The following TBL1X variants were observed in gnomAD, a reference collection of about 807,000 sequenced individuals.
TBL1X encodes transducin beta like 1 X-linked, also known as F-box-like/WD repeat-containing protein TBL1X.
TBL1X carries 10 observed loss-of-function variants against 50.7 expected under a neutral mutation model. The observed-to-expected ratio is 0.20, with a 90% CI of 0.12 to 0.33. The LOEUF (loss-of-function observed/expected upper bound fraction) is 0.33, where lower values mean the gene tolerates loss of function less well. Among genes scored for constraint, TBL1X ranks in the 10% least tolerant of loss-of-function variants. The pLI is 1.00. For synonymous variants in TBL1X, 190 were observed against 214.7 expected, an observed-to-expected ratio of 0.88 and a Z score of 1.01; for missense variants, 340 against 504.4, an observed-to-expected ratio of 0.67 and a Z score of 3.12.
chrX:9,524,547 A>G (rs1320086254), intron 2 of TBL1X, among the ~76,000 whole-genome samples: 2 of 111,792 alleles, frequency 1.8e-5, no homozygotes, highest in African/African-American at 6.5e-5. Context: ...ACATGGTAGC[A>G]TGTGTCAGAA....
In TBL1X at chrX:9,632,849, A is replaced by G. The variant is rs980489263; in HGVS notation, c.-130-7424A>G. 4.5e-5 allele frequency among the ~76,000 whole-genome samples: 5 copies of G among 111,792 alleles called. No homozygotes were observed. In the Admixed American group the frequency reaches 4.7e-4, roughly 11 times the overall value. Reference sequence around the variant, plus strand: ...AATTGCCTGTGTAACCGCCAGCTTTATGGGAGTGCTCCAGTAGTAACATTT... The same window carrying G: ...AATTGCCTGTGTAACCGCCAGCTTTGTGGGAGTGCTCCAGTAGTAACATTT... On this transcript the variant is annotated intron_variant, in intron 2 of 17. Transcript: ENST00000645353.
intron 12 of TBL1X, among the ~76,000 whole-genome samples, chrX:9,701,189 A>G (rs935007350): frequency 3.6e-5 from 4 of 111,623 alleles, no homozygotes; most frequent in African/African-American, 1.3e-4. Flanking sequence ...TGTAACCCTC[A>G]GGAGAACCTG....
At position 9,511,086 on chromosome X, in the gene TBL1X, A is replaced by G. The variant is rs187763754; in HGVS notation, c.-131+9237A>G. On this transcript the variant is annotated intron_variant, in intron 2 of 17. Coordinates refer to ENST00000645353, the MANE Select transcript of TBL1X (RefSeq NM_005647.4). ...AGTACAGGGATTGTGTGGCCCACAA[A>G]GTAGAAAATATTTACTCTCTGGCCC... is the stretch of plus-strand genomic sequence containing the variant. 3.6e-5 allele frequency among the ~76,000 whole-genome samples: 4 copies of G among 112,382 alleles called. No homozygotes were observed. In the East Asian group the frequency reaches 1.1e-3, roughly 31 times the overall value.
chrX:9,607,399 G>C (rs983382012), intron 2 of TBL1X, among the ~76,000 whole-genome samples: 6 of 111,960 alleles, frequency 5.4e-5, no homozygotes, highest in African/African-American at 1.9e-4. Context: ...GGATGAGGCA[G>C]TGCTGGTGCT....
At chrX:9,711,116 A>G (rs2083243613) in intron 15 of TBL1X, among the ~76,000 whole-genome samples, 1 of 111,255 alleles carries the variant, frequency 9.0e-6, no homozygotes, top group Admixed American at 9.6e-5. Flanking sequence ...GTGAGGCAGG[A>G]GGATCTCTTG....
At chrX:9,650,252 G>T (rs2082826208) in intron 3 of TBL1X, among the ~76,000 whole-genome samples, 1 of 113,063 alleles carries the variant, frequency 8.8e-6, no homozygotes, top group South Asian at 3.6e-4. Flanking sequence ...ATTTGGCAAT[G>T]TGTGCAGGCA....
chrX:9,469,488 T>G (rs1431840301), intron 1 of TBL1X, among the ~76,000 whole-genome samples: 2 of 112,671 alleles, frequency 1.8e-5, no homozygotes, highest in East Asian at 5.6e-4. Context: ...TAGTTTCCTG[T>G]TTTCTGAAGT....
intron 2 of TBL1X, among the ~76,000 whole-genome samples, chrX:9,532,130 C>A (rs726766): frequency 9.0e-6 from 1 of 111,609 alleles, no homozygotes; most frequent in Non-Finnish European, 1.9e-5. Flanking sequence ...CAGTGGCCTC[C>A]TGAGCTGCGC....
intron 2 of TBL1X, among the ~76,000 whole-genome samples, chrX:9,532,519 C>G (rs1332148803): frequency 9.0e-6 from 1 of 111,493 alleles, no homozygotes; most frequent in Non-Finnish European, 1.9e-5. Context: ...CATTCCCACG[C>G]CTCCCACGGG....
chrX:9,719,045 G>A lies in TBL1X; in HGVS notation c.*2799G>A, dbSNP rs1427263839. ...CCCTGTAATCAAGAAATGGCCTGTG[G>A]AATGTTATTGTTCAACGTTGTTTAC... On this transcript the variant is annotated 3_prime_UTR_variant, in exon 18 of 18. Coordinates refer to ENST00000645353, the MANE Select transcript of TBL1X (RefSeq NM_005647.4). 1 of 112,510 alleles carries A rather than the reference G, an allele frequency of 8.9e-6. No individual in the cohort carries two copies. The highest frequency in any genetic ancestry group is 1.9e-5 in the Non-Finnish European group (1 of 53,289). The allele number at this position is 112,510 out of a possible 1,213,427, so 9.3% of individuals were successfully genotyped here.
intron 2 of TBL1X, among the ~76,000 whole-genome samples, chrX:9,569,006 CTG>C (rs1434324395): frequency 7.8e-5 from 8 of 102,665 alleles, no homozygotes; most frequent in African/African-American, 2.9e-4. Flanking sequence ...GTGTGTGTGT[CTG>C]TGCAGTGTGC....
In TBL1X at chrX:9,716,526, G is replaced by T; in HGVS notation, c.*280G>T. 4.1e-6 allele frequency: 1 copy of T among 244,304 alleles called. No individual in the cohort carries two copies. Among genetic ancestry groups the T allele is most frequent in the Non-Finnish European group, 7.3e-6 (1 of 137,502 alleles). 20.1% of individuals were successfully genotyped at this position (244,304 alleles called of 1,213,427 possible). On this transcript the variant is annotated 3_prime_UTR_variant, in exon 18 of 18. Transcript: ENST00000645353. ...AAGGAGGAAGTCACCAGCTCGAGGCGTGTGGATTGGTTTCCACCCGGAACA... is the reference window on the plus strand; with the variant it reads ...AAGGAGGAAGTCACCAGCTCGAGGCTTGTGGATTGGTTTCCACCCGGAACA...
At chrX:9,488,331 G>A in intron 1 of TBL1X, among the ~76,000 whole-genome samples, 1 of 112,201 alleles carries the variant, frequency 8.9e-6, no homozygotes, top group Admixed American at 9.5e-5. Context: ...GAAGCTCTAG[G>A]GGAGAATTGG....
intron 2 of TBL1X, among the ~76,000 whole-genome samples, chrX:9,607,197 A>G (rs904180383): frequency 8.9e-6 from 1 of 112,615 alleles, no homozygotes; most frequent in African/African-American, 3.2e-5. Flanking sequence ...TCCTAAGGGC[A>G]AACGATTTTC....
At chrX:9,583,834 C>T (rs1220338942) in intron 2 of TBL1X, among the ~76,000 whole-genome samples, 2 of 111,816 alleles carry the variant, frequency 1.8e-5, no homozygotes, top group African/African-American at 3.3e-5. Context: ...ATACTAGGTA[C>T]TAGCAACACA....
At chrX:9,664,198 A>G (rs1467715409) in intron 5 of TBL1X, among the ~76,000 whole-genome samples, 1 of 112,500 alleles carries the variant, frequency 8.9e-6, no homozygotes, top group Non-Finnish European at 1.9e-5. Flanking sequence ...CCCTGAGTCC[A>G]TAGTAATTGC....
chrX:9,677,934 A>G (rs1040210331), intron 5 of TBL1X, among the ~76,000 whole-genome samples: 1 of 111,757 alleles, frequency 8.9e-6, no homozygotes, highest in African/African-American at 3.3e-5. Context: ...GGGCAGATCC[A>G]GGCCTTGGAG....
intron 1 of TBL1X, among the ~76,000 whole-genome samples, chrX:9,495,577 T>C (rs1008375763): frequency 2.7e-5 from 3 of 111,467 alleles, no homozygotes; most frequent in African/African-American, 9.8e-5. Context: ...ACAATGTTGT[T>C]GTCAAGCAGT....
chrX:9,599,108 T>A (rs2082541740), intron 2 of TBL1X, among the ~76,000 whole-genome samples: 1 of 109,813 alleles, frequency 9.1e-6, no homozygotes, highest in African/African-American at 3.3e-5. Flanking sequence ...CACACCCGGC[T>A]AATTTTTGTA....
Sources: gnomAD v4.1 joint callset for allele counts (sites outside exome capture counted in the v4.1 genomes callset) on GRCh38, gnomAD v4.1.1 for gene constraint, MANE v1.5 for transcripts, NCBI Gene and HGNC (gene_info 2026-07-23, HGNC 2026-07-21) for gene names.